The following ZDHHC11 variants were observed in gnomAD, a reference collection of about 807,000 sequenced individuals.
ZDHHC11 encodes the protein zDHHC palmitoyltransferase 11.
ZDHHC11 carries 44 observed loss-of-function variants against 51.3 expected under a neutral mutation model. The ratio of observed to expected loss-of-function variants is 0.86; its 90% confidence interval spans 0.67 to 1.10. ZDHHC11 has a LOEUF of 1.10. ZDHHC11 is among the 50% of genes least tolerant of loss of function. ZDHHC11 has a pLI of 0.00. For synonymous variants in ZDHHC11, 163 were observed against 222.0 expected (o/e 0.73, Z 2.36); for missense variants, 400 against 537.7 (o/e 0.74, Z 2.53).
chr5:841,317 C>G, intron 4 of ZDHHC11: 1 of 999,240 alleles, frequency 1.0e-6, no homozygotes, highest in Non-Finnish European at 1.2e-6. Flanking sequence ...TCACAGTGCC[C>G]ACCCCTTCCT....
intron 4 of ZDHHC11, 179 bp from the exon 5 acceptor site, chr5:840,829 T>C: frequency 8.1e-6 from 12 of 1,476,426 alleles, no homozygotes; most frequent in Non-Finnish European, 1.1e-5. Context: ...CCCTGCTGCC[T>C]TCGGTTGGTT....
At chr5:806,633 C>A (rs781072065) in intron 11 of ZDHHC11, among the ~76,000 whole-genome samples, 1 of 151,290 alleles carries the variant, frequency 6.6e-6, no homozygotes, top group Non-Finnish European at 1.5e-5. Context: ...ATTCACCCAA[C>A]TGACAAAAGG....
intron 7 of ZDHHC11, among the ~76,000 whole-genome samples, chr5:825,628 C>T (rs1321089406): frequency 6.6e-6 from 1 of 152,158 alleles, no homozygotes; most frequent in African/African-American, 2.4e-5. Flanking sequence ...GAGACTCATA[C>T]TGTGGCCTTT....
chr5:855,029 A>G (rs1421224058), upstream of ZDHHC11, among the ~76,000 whole-genome samples: 1 of 134,680 alleles, frequency 7.4e-6, no homozygotes, highest in African/African-American at 2.9e-5. Flanking sequence ...AGCCAGGGGG[A>G]CAGAACCCAC....
intron 4 of ZDHHC11, chr5:841,976 C>T (rs1422559224): frequency 4.9e-5 from 48 of 988,946 alleles, no homozygotes; most frequent in South Asian, 1.4e-4. Flanking sequence ...GTGCCTGGGC[C>T]GGGCTGGACC....
intron 5 of ZDHHC11, among the ~76,000 whole-genome samples, chr5:837,765 T>C (rs1744111960): frequency 6.6e-6 from 1 of 151,832 alleles, no homozygotes; most frequent in Non-Finnish European, 1.5e-5. Context: ...TGAGCTGCAT[T>C]GTTAGTGGTG....
intron 1 of ZDHHC11, among the ~76,000 whole-genome samples, chr5:856,952 C>T (rs1748347266): frequency 6.6e-6 from 1 of 151,118 alleles, no homozygotes; most frequent in East Asian, 1.9e-4. Flanking sequence ...CACCCATTTG[C>T]ACTACACACC....
intron 10 of ZDHHC11, chr5:817,077 G>GT (rs1248208631): frequency 5.7e-6 from 1 of 175,984 alleles, no homozygotes; most frequent in African/African-American, 2.4e-5. Context: ...AATGGGTAAA[G>GT]TAAGAACTGT....
At chr5:840,755 C>T (rs558782890) in intron 4 of ZDHHC11, 105 bp from the exon 5 acceptor site, 48 of 1,575,146 alleles carry the variant, frequency 3.0e-5, no homozygotes, top group Non-Finnish European at 3.9e-5. Context: ...GGTGTGGGGA[C>T]AGCCAGTGCG....
At chr5:849,329 C>T (rs1303114045) in intron 1 of ZDHHC11, among the ~76,000 whole-genome samples, 2 of 152,174 alleles carry the variant, frequency 1.3e-5, no homozygotes, top group East Asian at 1.9e-4. Flanking sequence ...AAACCCTTTA[C>T]AGCTTGAGGG....
At chr5:845,318 C>A (rs1458298010) in intron 3 of ZDHHC11, among the ~76,000 whole-genome samples, 1 of 152,292 alleles carries the variant, frequency 6.6e-6, no homozygotes, top group East Asian at 1.9e-4. Context: ...CCCTCATCTT[C>A]ATCCTACTGT....
chr5:807,560 G>A (rs1345794521), intron 11 of ZDHHC11, among the ~76,000 whole-genome samples: 29 of 150,864 alleles, frequency 1.9e-4, no homozygotes, highest in South Asian at 8.4e-4. Flanking sequence ...ATTGGGATTC[G>A]TGTGACTCTG....
chr5:857,686 G>A (rs1748447467), intron 1 of ZDHHC11, among the ~76,000 whole-genome samples: 1 of 150,282 alleles, frequency 6.7e-6, no homozygotes, highest in African/African-American at 2.5e-5. Flanking sequence ...GTCTGTCCAG[G>A]TCCCATCCCT....
rs1181094788 is a variant in ZDHHC11, at chr5:801,746, C to G, written c.1182-582G>C. Among the ~76,000 whole-genome samples the G allele has an allele frequency of 1.3e-5, 2 of 151,278 alleles. 1 individual carries two copies. Among genetic ancestry groups the G allele is most frequent in the African/African-American group, 4.9e-5 (2 of 41,156 alleles). On this transcript the variant is annotated intron_variant, in intron 11 of 12. Coordinates refer to ENST00000283441, the MANE Select transcript of ZDHHC11 (RefSeq NM_024786.3). ...AGGGTTGGAGATCGGGCTTAACTTG[C>G]AACGCTGAATGTGTCGGGAATTAGA...
Position 833,768 on chromosome 5 carries a change from C to T in ZDHHC11, c.935+5G>A, listed in dbSNP as rs1743376540. Reference sequence around the variant, plus strand: ...CCAAGCTACTGCAGGAAGCTTGCAACTTACCCCTGTGCAGATGAGCCCAGG... The same window carrying T: ...CCAAGCTACTGCAGGAAGCTTGCAATTTACCCCTGTGCAGATGAGCCCAGG... On this transcript the variant is annotated splice_donor_5th_base_variant and intron_variant, in intron 7 of 12. Coordinates refer to ENST00000283441, the MANE Select transcript of ZDHHC11 (RefSeq NM_024786.3). 3 of 1,497,844 alleles carry T rather than the reference C, an allele frequency of 2.0e-6. No individual in the cohort carries two copies. The Admixed American group carries it at 5.3e-5, about 26-fold the overall frequency. The allele number at this position is 1,497,844 out of a possible 1,614,324, so 92.8% of individuals were successfully genotyped here.
Position 850,411 on chromosome 5 carries a change from C to T in ZDHHC11, c.192G>A (p.Leu64=), listed in dbSNP as rs144293540. ...SATFGIFIPF[L]PHAWKYIAYV... ...AGGCAATGTATTTCCACGCGTGAGG[C>T]AGGAAGGGAATGAAGATCCCGAAGG... Residue 64 remains leucine (L), a synonymous_variant, in exon 1 of 13, where the codon CTG becomes CTA. Transcript: ENST00000283441. The T allele has an allele frequency of 1.2e-3, 1,873 of 1,613,610 alleles. 8 individuals carry two copies. In the Middle Eastern group the frequency reaches 0.016, roughly 13 times the overall value.
At position 850,898 on chromosome 5, in the gene ZDHHC11, G is replaced by A. The variant is rs1229044328; in HGVS notation, c.-296C>T. ...GGTGTGGAGGACCCAGTGCCCGCGC[G>A]ACCGCCCATCAGTTCCCCTGAGGAT... On this transcript the variant is annotated 5_prime_UTR_variant, in exon 1 of 13. Transcript: ENST00000283441. 2.4e-5 allele frequency: 11 copies of A among 451,492 alleles called. No homozygotes were observed. The highest frequency in any genetic ancestry group is 1.1e-3 in the Middle Eastern group (2 of 1,830). 28.0% of individuals were successfully genotyped at this position (451,492 alleles called of 1,614,324 possible). A position where few individuals can be genotyped will look rare whatever the true frequency, so the allele number is the denominator to read the frequency against.
chr5:836,962 T>C (rs535722166), intron 6 of ZDHHC11, among the ~76,000 whole-genome samples: 3 of 151,124 alleles, frequency 2.0e-5, no homozygotes, highest in African/African-American at 7.3e-5. Flanking sequence ...GAGGCTGAGG[T>C]AGGCAAACTG....
chr5:803,302 C>A (rs650644), intron 11 of ZDHHC11, among the ~76,000 whole-genome samples: 2 of 151,400 alleles, frequency 1.3e-5, no homozygotes, highest in Non-Finnish European at 3.0e-5. Flanking sequence ...AGCAGCATCC[C>A]TTGGAAGATT....
Sources: allele counts gnomAD v4.1 joint callset (sites outside exome capture counted in the v4.1 genomes callset), GRCh38; gene constraint gnomAD v4.1.1; transcripts MANE v1.5; gene names NCBI Gene and HGNC (gene_info 2026-07-23, HGNC 2026-07-21).